SYT16: variants seen among roughly 807,000 people sequenced by gnomAD.
The protein encoded by SYT16 is synaptotagmin-16.
In SYT16, 42 loss-of-function variants were observed where a neutral mutation model predicts 61.4. The ratio of observed to expected loss-of-function variants is 0.68; its 90% CI spans 0.53 to 0.89. The LOEUF (loss-of-function observed/expected upper bound fraction) is 0.89. SYT16 is among the 40% of genes least tolerant of loss of function. The pLI is 0.00. For missense variants in SYT16, 804 were observed against 807.3 expected, an observed-to-expected ratio of 1.00 and a Z score of 0.05; for synonymous variants, 314 against 302.3, an observed-to-expected ratio of 1.04 and a Z score of -0.40.
At chr14:61,907,434 T>C (rs2209227) in intron 1 of SYT16, among the ~76,000 whole-genome samples, 138,508 of 152,324 alleles carry the variant, frequency 0.91, 63,107 homozygotes, top group East Asian at 0.98. Flanking sequence ...TATTATTTCA[T>C]AGGTTTTGGC....
At chr14:61,945,008 C>T (rs1238806052) in intron 1 of SYT16, among the ~76,000 whole-genome samples, 1 of 151,998 alleles carries the variant, frequency 6.6e-6, no homozygotes, top group Non-Finnish European at 1.5e-5. Flanking sequence ...GGCTAATATC[C>T]AGAATGTACA....
chr14:62,092,824 A>C (rs1345787609), intron 7 of SYT16, among the ~76,000 whole-genome samples: 1 of 152,034 alleles, frequency 6.6e-6, no homozygotes, highest in East Asian at 1.9e-4. Context: ...TTTGTACAAC[A>C]TTATGAATCT....
intron 3 of SYT16, among the ~76,000 whole-genome samples, chr14:62,006,257 G>T (rs928767639): frequency 3.3e-5 from 5 of 152,018 alleles, no homozygotes; most frequent in Non-Finnish European, 2.9e-5. Flanking sequence ...GCACTCATTT[G>T]TTCCTTTATA....
intron 1 of SYT16, among the ~76,000 whole-genome samples, chr14:61,927,664 T>C (rs1191714883): frequency 6.6e-6 from 1 of 152,202 alleles, no homozygotes; most frequent in Non-Finnish European, 1.5e-5. Flanking sequence ...CAGACCAGTT[T>C]CTCTACCTCC....
chr14:62,078,172 A>ATATATATAAAC (rs2056576554), intron 5 of SYT16, among the ~76,000 whole-genome samples: 4 of 128,784 alleles, frequency 3.1e-5, no homozygotes, highest in Admixed American at 7.8e-5. Flanking sequence ...TATATATATA[A>ATATATATAAAC]ACACACACAC....
At chr14:61,897,443 G>T (rs2048363779) in intron 1 of SYT16, 1 of 152,178 alleles carries the variant, frequency 6.6e-6, no homozygotes, top group South Asian at 2.1e-4. Context: ...AGTGCATGGT[G>T]CTGTGTCAGC....
At position 61,996,536 on chromosome 14, in the gene SYT16, A is replaced by T. The variant is rs1483071783; in HGVS notation, c.517A>T (p.Lys173Ter). ...TACTTTAGAAACTGTTAATGGAAAA[A>T]AGCAAGGTAAGCTAGCCAGTCATCA... ...PGTLETVNGK[K>*]QVNSFGDDEE... The change falls in exon 3 of 8, where the codon AAG (lysine) becomes TAG (stop). Residue 173 changes from lysine (K) to a stop codon, truncating the protein, a stop_gained. Transcript: ENST00000683842. LOFTEE classifies it high-confidence loss of function. 1 of 1,592,122 alleles carries T rather than the reference A, an allele frequency of 6.3e-7. No individual in the cohort carries two copies. Among genetic ancestry groups the T allele is most frequent in the Non-Finnish European group, 8.6e-7 (1 of 1,168,762 alleles).
intron 3 of SYT16, among the ~76,000 whole-genome samples, chr14:62,063,868 G>A (rs1279858597): frequency 6.6e-6 from 1 of 152,170 alleles, no homozygotes; most frequent in Non-Finnish European, 1.5e-5. Flanking sequence ...GTTAATAAAG[G>A]GATGAAGGTG....
At chr14:61,907,525 T>C (rs2048768635) in intron 1 of SYT16, among the ~76,000 whole-genome samples, 1 of 152,178 alleles carries the variant, frequency 6.6e-6, no homozygotes, top group Non-Finnish European at 1.5e-5. Flanking sequence ...TCCATTGGCA[T>C]CAGAGGATCC....
rs367570950 is a variant in SYT16, at chr14:62,080,828, C to A, written c.994-6C>A. Reference sequence around the variant, plus strand: ...CATTTCTAATTGTTTCCTCTGCCTGCAACAGGAACAGGACAGGACCAATTT... The same window carrying A: ...CATTTCTAATTGTTTCCTCTGCCTGAAACAGGAACAGGACAGGACCAATTT... On this transcript the variant is annotated splice_region_variant and splice_polypyrimidine_tract_variant and intron_variant, in intron 5 of 7. Transcript: ENST00000683842. The A allele has an allele frequency of 3.8e-6, 6 of 1,585,538 alleles. No homozygotes were observed. Among genetic ancestry groups the A allele is most frequent in the Non-Finnish European group, 5.2e-6 (6 of 1,164,460 alleles).
At position 62,072,085 on chromosome 14, in the gene SYT16, C is replaced by T. The variant is rs544448395; in HGVS notation, c.736+2270C>T. Among the ~76,000 whole-genome samples the T allele has an allele frequency of 1.4e-3, 207 of 152,278 alleles. 1 individual carries two copies. The highest frequency in any genetic ancestry group is 1.9e-3 in the Non-Finnish European group (128 of 68,032). ...TGGATTGGAGGCCTGTATGCAAGGT[C>T]TTTAGACGTGAAAGGTTAGCTGTAG... is the stretch of plus-strand genomic sequence containing the variant. On this transcript the variant is annotated intron_variant, in intron 4 of 7. Transcript: ENST00000683842.
chr14:62,000,111 T>TTTTG, intron 3 of SYT16, among the ~76,000 whole-genome samples: 1 of 136,696 alleles, frequency 7.3e-6, no homozygotes, highest in Non-Finnish European at 1.6e-5. Context: ...TTTTTTTTTT[T>TTTTG]TTTTTTTTTT....
chr14:61,978,224 C>A (rs1446214093), intron 2 of SYT16, among the ~76,000 whole-genome samples: 1 of 152,210 alleles, frequency 6.6e-6, no homozygotes, highest in African/African-American at 2.4e-5. Flanking sequence ...ATTCAGCCCA[C>A]TATAGCAGGA....
rs1180933894 is a variant in SYT16, at chr14:62,108,254, G to A, written c.*7547G>A. On this transcript the variant is annotated 3_prime_UTR_variant, in exon 8 of 8. Coordinates refer to ENST00000683842, the MANE Select transcript of SYT16 (RefSeq NM_001367656.1). Reference sequence around the variant, plus strand: ...TTATAATTCTACTAAACATGTCTTAGTCCACGCAAATTAACTCAAAATCTT... The same window carrying A: ...TTATAATTCTACTAAACATGTCTTAATCCACGCAAATTAACTCAAAATCTT... 4 of 152,080 alleles carry A rather than the reference G, an allele frequency of 2.6e-5. No homozygotes were observed. Among genetic ancestry groups the A allele is most frequent in the Admixed American group, 2.6e-4 (4 of 15,268 alleles). The allele number at this position is 152,080 out of a possible 1,614,324, so 9.4% of individuals were successfully genotyped here.
chr14:61,882,583 A>G (rs2047739210), intron 1 of SYT16, among the ~76,000 whole-genome samples: 1 of 152,150 alleles, frequency 6.6e-6, no homozygotes, highest in Admixed American at 6.5e-5. Flanking sequence ...GACCAAACCA[A>G]ACAATATCAT....
intron 1 of SYT16, among the ~76,000 whole-genome samples, chr14:61,922,181 G>C (rs1044512833): frequency 6.6e-6 from 1 of 152,056 alleles, no homozygotes; most frequent in Non-Finnish European, 1.5e-5. Context: ...CCTATTACTG[G>C]GTATATACCC....
chr14:61,881,755 C>T (rs553649757), intron 1 of SYT16, among the ~76,000 whole-genome samples: 5 of 152,294 alleles, frequency 3.3e-5, no homozygotes, highest in African/African-American at 1.2e-4. Flanking sequence ...ACTTTTGTCT[C>T]ATGTCTACTT....
At chr14:61,948,677 C>T (rs761514364) in intron 1 of SYT16, among the ~76,000 whole-genome samples, 1 of 152,078 alleles carries the variant, frequency 6.6e-6, no homozygotes, top group Non-Finnish European at 1.5e-5. Context: ...TGGTAGCACT[C>T]AATGACAGCT....
At chr14:61,926,463 T>C (rs1409781705) in intron 1 of SYT16, among the ~76,000 whole-genome samples, 2 of 152,180 alleles carry the variant, frequency 1.3e-5, no homozygotes, top group Non-Finnish European at 2.9e-5. Context: ...TGCTCCTTCA[T>C]TTTCTAGAAC....
Sources: gnomAD v4.1 joint callset for allele counts (sites outside exome capture counted in the v4.1 genomes callset) on GRCh38, gnomAD v4.1.1 for gene constraint, MANE v1.5 for transcripts, NCBI Gene and HGNC (gene_info 2026-07-23, HGNC 2026-07-21) for gene names.